NAALAD2: variants seen among roughly 807,000 people sequenced by gnomAD.
NAALAD2 encodes N-acetylated alpha-linked acidic dipeptidase 2, also known as N-acetylated-alpha-linked acidic dipeptidase 2.
NAALAD2 carries 89 observed loss-of-function variants against 95.6 expected under a neutral mutation model. That is an observed-to-expected ratio of 0.93 (90% confidence interval 0.78 to 1.11). The LOEUF is 1.11. NAALAD2 is among the 50% of genes least tolerant of loss of function. The pLI is 0.00. For synonymous variants in NAALAD2, 264 were observed against 294.4 expected (o/e 0.90, Z 1.06); for missense variants, 894 against 872.4 (o/e 1.02, Z -0.31).
chr11:90,185,858 C>CTTTTTTTTT (rs375865674), intron 18 of NAALAD2, among the ~76,000 whole-genome samples: 2 of 133,080 alleles, frequency 1.5e-5, no homozygotes, highest in Admixed American at 7.6e-5. Flanking sequence ...AGGGTAAACA[C>CTTTTTTTTT]TTTTTTTTTT....
chr11:90,168,317 C>G (rs998903722), intron 11 of NAALAD2, among the ~76,000 whole-genome samples: 4 of 152,264 alleles, frequency 2.6e-5, no homozygotes, highest in Admixed American at 6.5e-5. Flanking sequence ...CGCGAGGGTC[C>G]GCGGCTTCAT....
intron 6 of NAALAD2, among the ~76,000 whole-genome samples, chr11:90,153,457 G>T (rs1202352210): frequency 6.6e-6 from 1 of 152,040 alleles, no homozygotes; most frequent in Non-Finnish European, 1.5e-5. Context: ...TAGTATGTCA[G>T]TCTTTTCAAT....
intron 6 of NAALAD2, among the ~76,000 whole-genome samples, chr11:90,155,512 T>C (rs1366705320): frequency 8.7e-6 from 1 of 115,586 alleles, no homozygotes; most frequent in Admixed American, 1.1e-4. Context: ...TATAATTATA[T>C]ATAATTACAT....
intron 11 of NAALAD2, among the ~76,000 whole-genome samples, chr11:90,165,259 T>C (rs1165630681): frequency 2.0e-5 from 3 of 152,212 alleles, no homozygotes; most frequent in Admixed American, 6.5e-5. Flanking sequence ...TTTGCTATTA[T>C]GAATAATGCT....
chr11:90,171,982 C>CA lies in NAALAD2; in HGVS notation c.1411-1835dup, dbSNP rs540762367. Among the ~76,000 whole-genome samples the CA allele has an allele frequency of 2.9e-4, 42 of 144,662 alleles. 2 individuals carry two copies. The highest frequency in any genetic ancestry group is 1.1e-3 in the African/African-American group (41 of 36,602). 94.9% of individuals were successfully genotyped at this position (144,662 alleles called of 152,430 possible). ...GGAGTGTAAGCCATAGAAATCCTGACAAAAAAAGAAAGAAAAGAAAAAAGA... is the reference window on the plus strand; with the variant it reads ...GGAGTGTAAGCCATAGAAATCCTGACAAAAAAAAGAAAGAAAAGAAAAAAGA... On this transcript the variant is annotated intron_variant, in intron 13 of 18. Coordinates refer to ENST00000534061, the MANE Select transcript of NAALAD2 (RefSeq NM_005467.4).
chr11:90,154,687 A>G (rs1951981968), intron 6 of NAALAD2, among the ~76,000 whole-genome samples: 1 of 151,242 alleles, frequency 6.6e-6, no homozygotes, highest in Non-Finnish European at 1.5e-5. Context: ...GCAAGAGTTT[A>G]TAAAGAATGG....
chr11:90,163,255 C>T (rs1952345703), intron 9 of NAALAD2, 55 bp from the exon 10 acceptor site: 5 of 1,529,656 alleles, frequency 3.3e-6, no homozygotes, highest in Non-Finnish European at 4.4e-6. Context: ...ACATAAATTA[C>T]AAATATTTAT....
chr11:90,150,553 C>A lies in NAALAD2; in HGVS notation c.555C>A (p.Asn185Lys). 6.2e-7 allele frequency: 1 copy of A among 1,609,140 alleles called. No individual in the cohort carries two copies. The highest frequency in any genetic ancestry group is 8.5e-7 in the Non-Finnish European group (1 of 1,176,464). The change falls in exon 5 of 19, where the codon AAC becomes AAA. Residue 185 changes from asparagine to lysine, a missense_variant. Coordinates refer to ENST00000534061, the MANE Select transcript of NAALAD2 (RefSeq NM_005467.4). ...AACTAGAAAGAGAGATGGGCATCAA[C>A]TGTACTGGGAAGATTGTTATTGCAA... ...FFKLEREMGI[N>K]CTGKIVIARY...
chr11:90,135,953 C>G (rs954326465), intron 2 of NAALAD2, among the ~76,000 whole-genome samples: 2 of 152,060 alleles, frequency 1.3e-5, no homozygotes, highest in African/African-American at 4.8e-5. Context: ...ATTCTTTGTT[C>G]ATCAGTGCCT....
intron 11 of NAALAD2, among the ~76,000 whole-genome samples, chr11:90,167,986 C>G (rs1020997916): frequency 2.0e-5 from 3 of 152,142 alleles, no homozygotes; most frequent in South Asian, 2.1e-4. Flanking sequence ...TCTCCTTCCA[C>G]GTTGTGAAAG....
At chr11:90,135,768 C>CT (rs1488786858) in intron 2 of NAALAD2, 98 bp downstream of exon 2, 11 of 849,782 alleles carry the variant, frequency 1.3e-5, no homozygotes, top group Middle Eastern at 2.7e-4. Flanking sequence ...ACAGTCTTCT[C>CT]TGTGTGAAAT....
intron 5 of NAALAD2, among the ~76,000 whole-genome samples, chr11:90,151,069 G>A (rs1951876552): frequency 6.6e-6 from 1 of 151,252 alleles, no homozygotes; most frequent in Non-Finnish European, 1.5e-5. Flanking sequence ...TATTCTTCAT[G>A]TCCACATGTT....
upstream of NAALAD2, among the ~76,000 whole-genome samples, chr11:90,134,288 AC>A (rs921864683): frequency 2.7e-4 from 41 of 152,288 alleles, no homozygotes; most frequent in African/African-American, 9.9e-4. Context: ...ACAGCGGAGC[AC>A]CCAGGACCAG....
rs182952696 is a variant in NAALAD2 at position 90,135,512 on chromosome 11, G to A, written c.83-47G>A. The A allele has an allele frequency of 1.5e-4, 208 of 1,349,790 alleles. 1 individual carries two copies. In the East Asian group the frequency reaches 3.1e-3, roughly 20 times the overall value. The allele number at this position is 1,349,790 out of a possible 1,614,324, so 83.6% of individuals were successfully genotyped here. ...GGCTTCTAGTTTTAATAAAGTCAAA[G>A]TGATTTTGTGTGTATGTGTGCATGT... On this transcript the variant is annotated intron_variant, in intron 1 of 18. Transcript: ENST00000534061.
In NAALAD2 at chr11:90,175,995, G is replaced by A; in HGVS notation, c.1526G>A (p.Ser509Asn). Residue 509 changes from serine to asparagine, a missense_variant, in exon 15 of 19, where the codon AGT becomes AAT. Coordinates refer to ENST00000534061, the MANE Select transcript of NAALAD2 (RefSeq NM_005467.4). ...AGAATCAATAAGCTGGGATCTGGAA[G>A]TGACTTTGAAGCTTATTTTCAGAGA... ...LPRINKLGSG[S>N]DFEAYFQRLG... 1 of 1,613,268 alleles carries A rather than the reference G, an allele frequency of 6.2e-7. No individual in the cohort carries two copies. The highest frequency in any genetic ancestry group is 8.5e-7 in the Non-Finnish European group (1 of 1,179,476).
chr11:90,167,424 C>A (rs866682967), intron 11 of NAALAD2, among the ~76,000 whole-genome samples: 2 of 152,152 alleles, frequency 1.3e-5, no homozygotes, highest in Non-Finnish European at 2.9e-5. Flanking sequence ...CCTGAGCCTG[C>A]GCCCCCGCCG....
chr11:90,184,087 T>C (rs1476706606), intron 18 of NAALAD2, among the ~76,000 whole-genome samples: 1 of 152,152 alleles, frequency 6.6e-6, no homozygotes, highest in Admixed American at 6.6e-5. Context: ...TGCAGATGTG[T>C]GACTTAAAGC....
intron 6 of NAALAD2, among the ~76,000 whole-genome samples, chr11:90,155,913 A>AAT (rs1372274066): frequency 1.4e-5 from 2 of 145,188 alleles, no homozygotes; most frequent in East Asian, 3.9e-4. Flanking sequence ...TATAATATGT[A>AAT]ATATATATGT....
intron 6 of NAALAD2, 135 bp from the exon 7 acceptor site, chr11:90,158,010 C>A: frequency 1.5e-6 from 1 of 659,194 alleles, no homozygotes; most frequent in Non-Finnish European, 2.6e-6. Flanking sequence ...TGAGCCACCA[C>A]GCCTGGCCAG....
Sources: gnomAD v4.1 joint callset for allele counts (sites outside exome capture counted in the v4.1 genomes callset) on GRCh38, gnomAD v4.1.1 for gene constraint, MANE v1.5 for transcripts, NCBI Gene and HGNC (gene_info 2026-07-23, HGNC 2026-07-21) for gene names.